ULK4: variants seen among roughly 807,000 people sequenced by gnomAD.
ULK4 encodes unc-51 like kinase 4, also known as inactive serine/threonine-protein kinase ULK4.
In ULK4, 133 loss-of-function variants were observed where a neutral mutation model predicts 160.6. The ratio of observed to expected loss-of-function variants is 0.83; its 90% CI spans 0.72 to 0.96. The LOEUF is 0.96. Ranked by LOEUF, ULK4 falls within the 40% of genes least tolerant of loss-of-function variation. The pLI, the probability that ULK4 is intolerant of heterozygous loss-of-function variation, is 0.00. For missense variants in ULK4, 1,580 were observed against 1,499.5 expected (o/e 1.05, Z -0.89); for synonymous variants, 534 against 539.8 (o/e 0.99, Z 0.15).
intron 32 of ULK4, among the ~76,000 whole-genome samples, chr3:41,548,635 A>G (rs991860924): frequency 6.6e-6 from 1 of 152,114 alleles, no homozygotes; most frequent in African/African-American, 2.4e-5. Context: ...GATGCCATGT[A>G]CACTACCCAG....
intron 32 of ULK4, among the ~76,000 whole-genome samples, chr3:41,563,614 T>G (rs993519698): frequency 2.6e-5 from 4 of 152,194 alleles, no homozygotes; most frequent in African/African-American, 9.7e-5. Flanking sequence ...AATTTGACCT[T>G]CAATCACGGA....
At chr3:41,656,223 C>G (rs368393101) in intron 30 of ULK4, among the ~76,000 whole-genome samples, 1 of 150,240 alleles carries the variant, frequency 6.7e-6, no homozygotes, top group Non-Finnish European at 1.5e-5. Flanking sequence ...AGGGAAGGGG[C>G]GGGGGGAAAG....
At position 41,820,374 on chromosome 3, in the gene ULK4, G is replaced by A. The variant is rs562544004; in HGVS notation, c.1765-868C>T. Among the ~76,000 whole-genome samples the A allele has an allele frequency of 1.3e-3, 191 of 152,148 alleles. 1 individual carries two copies. Among genetic ancestry groups the A allele is most frequent in the Admixed American group, 6.9e-3 (106 of 15,288 alleles). Reference sequence around the variant, plus strand: ...ACACACACACACTCATATATTCATCGTAGCACTATTCACAAGAGCAAAAAC... The same window carrying A: ...ACACACACACACTCATATATTCATCATAGCACTATTCACAAGAGCAAAAAC... On this transcript the variant is annotated intron_variant, in intron 18 of 36. Transcript: ENST00000301831.
intron 35 of ULK4, among the ~76,000 whole-genome samples, chr3:41,323,436 A>ACACACC (rs1202707710): frequency 6.6e-6 from 1 of 150,586 alleles, no homozygotes; most frequent in Non-Finnish European, 1.5e-5. Context: ...ACACACACAC[A>ACACACC]CACCAAAAAC....
intron 35 of ULK4, among the ~76,000 whole-genome samples, chr3:41,309,987 A>T (rs1234910902): frequency 6.6e-6 from 1 of 152,178 alleles, no homozygotes; most frequent in East Asian, 1.9e-4. Context: ...GGAAAGGGGC[A>T]AACAGGACTG....
chr3:41,455,018 G>A (rs2083512515), intron 34 of ULK4, among the ~76,000 whole-genome samples: 1 of 152,014 alleles, frequency 6.6e-6, no homozygotes, highest in African/African-American at 2.4e-5. Flanking sequence ...AGCTCTTTTT[G>A]TATATTCAAT....
At chr3:41,396,297 A>G (rs754919214) in intron 35 of ULK4, among the ~76,000 whole-genome samples, 4 of 150,504 alleles carry the variant, frequency 2.7e-5, no homozygotes, top group African/African-American at 4.9e-5. Context: ...AATATACGGT[A>G]TAAGTACCAT....
At chr3:41,273,860 T>C (rs2079182521) in intron 35 of ULK4, among the ~76,000 whole-genome samples, 1 of 137,286 alleles carries the variant, frequency 7.3e-6, no homozygotes, top group Non-Finnish European at 1.5e-5. Context: ...CCCCTCAGAT[T>C]TCCCTCTCTT....
At chr3:41,418,381 G>A (rs2082582001) in intron 34 of ULK4, among the ~76,000 whole-genome samples, 1 of 149,600 alleles carries the variant, frequency 6.7e-6, no homozygotes, top group Admixed American at 6.7e-5. Flanking sequence ...CAGTTTGTCT[G>A]CAAGTTTTTT....
At chr3:41,306,545 G>T (rs1258370134) in intron 35 of ULK4, among the ~76,000 whole-genome samples, 12 of 150,648 alleles carry the variant, frequency 8.0e-5, no homozygotes, top group African/African-American at 2.9e-4. Context: ...CCCCTGCCCG[G>T]CCAGCCACCC....
At chr3:41,842,098 C>T (rs1575810341) in intron 17 of ULK4, among the ~76,000 whole-genome samples, 1 of 146,500 alleles carries the variant, frequency 6.8e-6, no homozygotes, top group Admixed American at 7.0e-5. Flanking sequence ...GACCCTGCCA[C>T]ATCCCCCTCT....
At chr3:41,589,572 C>T (rs1436511204) in intron 31 of ULK4, among the ~76,000 whole-genome samples, 3 of 152,056 alleles carry the variant, frequency 2.0e-5, no homozygotes, top group African/African-American at 7.2e-5. Flanking sequence ...ATATATAGTG[C>T]CTTTTGTAAA....
intron 18 of ULK4, among the ~76,000 whole-genome samples, chr3:41,830,141 T>C (rs1281546934): frequency 6.6e-6 from 1 of 152,004 alleles, no homozygotes; most frequent in East Asian, 1.9e-4. Context: ...CTCTGGGGAC[T>C]GTTGTGGGGT....
chr3:41,584,020 C>G (rs1575448564), intron 31 of ULK4, among the ~76,000 whole-genome samples: 1 of 152,266 alleles, frequency 6.6e-6, no homozygotes, highest in South Asian at 2.1e-4. Context: ...GGCTAGAAGT[C>G]TAACTGAAAT....
chr3:41,951,481 C>T (rs1234724086), intron 2 of ULK4, among the ~76,000 whole-genome samples: 2 of 151,236 alleles, frequency 1.3e-5, no homozygotes, highest in African/African-American at 2.4e-5. Flanking sequence ...CAGTATAGTA[C>T]TGGCATAAAG....
intron 17 of ULK4, among the ~76,000 whole-genome samples, chr3:41,849,370 G>C (rs1244286420): frequency 6.6e-6 from 1 of 152,096 alleles, no homozygotes; most frequent in African/African-American, 2.4e-5. Context: ...CTGACACCAG[G>C]GTTGCAAAAC....
chr3:41,771,731 G>C (rs914254681), intron 21 of ULK4, among the ~76,000 whole-genome samples: 2 of 151,898 alleles, frequency 1.3e-5, no homozygotes, highest in Admixed American at 1.3e-4. Context: ...AGAGATCCTC[G>C]AAAAATTCAA....
chr3:41,497,059 TTAAA>T (rs2085018846), intron 32 of ULK4, among the ~76,000 whole-genome samples: 4 of 117,582 alleles, frequency 3.4e-5, no homozygotes, highest in Non-Finnish European at 7.5e-5. Flanking sequence ...AAAAAAGATA[TTAAA>T]TAGAGACACT....
intron 16 of ULK4, among the ~76,000 whole-genome samples, chr3:41,885,299 C>T (rs1455212236): frequency 1.3e-5 from 2 of 152,120 alleles, no homozygotes; most frequent in African/African-American, 2.4e-5. Context: ...TGACCAAAAA[C>T]AATTCCTATT....
Sources: gnomAD v4.1 joint callset for allele counts (sites outside exome capture counted in the v4.1 genomes callset) on GRCh38, gnomAD v4.1.1 for gene constraint, MANE v1.5 for transcripts, NCBI Gene and HGNC (gene_info 2026-07-23, HGNC 2026-07-21) for gene names.